USP37: variants seen among roughly 807,000 people sequenced by gnomAD.
USP37 encodes ubiquitin specific peptidase 37.
Under a neutral mutation model 124.0 loss-of-function variants are expected in USP37, and 27 were observed. The observed-to-expected ratio is 0.22, with a 90% CI of 0.16 to 0.30. The LOEUF (loss-of-function observed/expected upper bound fraction) is 0.30. Ranked by LOEUF, USP37 falls within the 10% of genes least tolerant of loss-of-function variation. USP37 has a pLI of 1.00. For synonymous variants in USP37, 365 were observed against 388.0 expected, an observed-to-expected ratio of 0.94 and a Z score of 0.70; for missense variants, 889 against 1,140.4, an observed-to-expected ratio of 0.78 and a Z score of 3.17.
chr2:218,530,796 C>A (rs79125562), intron 9 of USP37, among the ~76,000 whole-genome samples: 2,280 of 152,212 alleles, frequency 0.015, 34 homozygotes, highest in South Asian at 0.064. Context: ...AGCAAAACAA[C>A]CTTATTGCTG....
At position 218,497,091 on chromosome 2, in the gene USP37, G is replaced by A. The variant is rs190799295; in HGVS notation, c.1281+643C>T. On this transcript the variant is annotated intron_variant, in intron 13 of 25. Coordinates refer to ENST00000258399, the MANE Select transcript of USP37 (RefSeq NM_020935.3). ...ATTTGTTTTATTTTTATTTTTTTGAGACAGAGTCTTGCCCTGTAGCCCAGG... is the reference window on the plus strand; with the variant it reads ...ATTTGTTTTATTTTTATTTTTTTGAAACAGAGTCTTGCCCTGTAGCCCAGG... Among the ~76,000 whole-genome samples the A allele has an allele frequency of 4.9e-4, 75 of 151,942 alleles. No individual in the cohort carries two copies. In the East Asian group the frequency reaches 0.013, roughly 25 times the overall value.
chr2:218,485,868 T>G, intron 15 of USP37, 125 bp from the exon 16 acceptor site: 1 of 1,056,450 alleles, frequency 9.5e-7, no homozygotes, highest in Non-Finnish European at 1.4e-6. Context: ...TTTTAAAAAT[T>G]CTGTGTCTAG....
At chr2:218,549,620 A>G (rs1265562847) in intron 6 of USP37, among the ~76,000 whole-genome samples, 189 bp downstream of exon 6, 1 of 151,980 alleles carries the variant, frequency 6.6e-6, no homozygotes, top group African/African-American at 2.4e-5. Flanking sequence ...ATGTGCCACC[A>G]CGCCTGGCTA....
intron 23 of USP37, among the ~76,000 whole-genome samples, chr2:218,458,144 G>A (rs932956051): frequency 2.1e-5 from 3 of 144,114 alleles, no homozygotes; most frequent in Non-Finnish European, 4.5e-5. Flanking sequence ...CTTCGATTTA[G>A]TAATTTACTT....
intron 8 of USP37, among the ~76,000 whole-genome samples, chr2:218,537,036 T>A (rs1484881832): frequency 6.6e-6 from 1 of 152,224 alleles, no homozygotes; most frequent in Non-Finnish European, 1.5e-5. Context: ...TGAAACTAGA[T>A]AATGATGACG....
At chr2:218,518,351 G>A (rs765862612) in intron 10 of USP37, among the ~76,000 whole-genome samples, 3 of 151,840 alleles carry the variant, frequency 2.0e-5, no homozygotes, top group Non-Finnish European at 4.4e-5. Flanking sequence ...TATAATCACT[G>A]ACTCATTAAT....
intron 14 of USP37, among the ~76,000 whole-genome samples, chr2:218,495,522 G>A (rs1259449388): frequency 6.6e-6 from 1 of 152,132 alleles, no homozygotes; most frequent in Non-Finnish European, 1.5e-5. Flanking sequence ...GACGTAGAAA[G>A]GAAGATGAGA....
At chr2:218,525,380 G>A (rs777625119) in intron 10 of USP37, among the ~76,000 whole-genome samples, 1 of 152,166 alleles carries the variant, frequency 6.6e-6, no homozygotes, top group South Asian at 2.1e-4. Flanking sequence ...CTACTGGGGG[G>A]GTTGTGGGTG....
Position 218,534,699 on chromosome 2 carries a change from T to C in USP37, c.688A>G (p.Lys230Glu). The C allele has an allele frequency of 6.3e-7, 1 of 1,597,820 alleles. No individual in the cohort carries two copies. Among genetic ancestry groups the C allele is most frequent in the East Asian group, 2.3e-5 (1 of 44,294 alleles). ...PKENDSSSNN[K>E]AMTDPSRKYL... ...TTTCTGGAGGGATCTGTCATGGCCTTGTTGTTCCTATAGTTAATAATTTTA... is the reference window on the plus strand; with the variant it reads ...TTTCTGGAGGGATCTGTCATGGCCTCGTTGTTCCTATAGTTAATAATTTTA... Residue 230 changes from lysine (K) to glutamate (E), a missense_variant, in exon 9 of 26, where the codon AAG becomes GAG. Physicochemically the swap from Lys to Glu is moderately conservative, Grantham distance 56. This residue lies in a region of USP37 where 374 missense variants were observed against 386.0 expected (regional missense o/e 0.97). Transcript: ENST00000258399.
At chr2:218,518,251 T>C (rs1690407098) in intron 10 of USP37, among the ~76,000 whole-genome samples, 1 of 152,244 alleles carries the variant, frequency 6.6e-6, no homozygotes, top group East Asian at 1.9e-4. Flanking sequence ...ATTTTCTATT[T>C]GATTTTTTTA....
intron 8 of USP37, among the ~76,000 whole-genome samples, chr2:218,539,634 G>A (rs1691863597): frequency 6.6e-6 from 1 of 152,030 alleles, no homozygotes; most frequent in African/African-American, 2.4e-5. Context: ...AGGATCGCCT[G>A]AGCCCGGGAG....
chr2:218,503,347 G>A (rs537516085), intron 11 of USP37, among the ~76,000 whole-genome samples: 3 of 152,228 alleles, frequency 2.0e-5, no homozygotes, highest in African/African-American at 7.2e-5. Context: ...ACTTTAAATA[G>A]GTAACTACAC....
chr2:218,455,719 C>T lies in USP37; in HGVS notation c.2714-1G>A. On this transcript the variant is annotated splice_acceptor_variant, in intron 24 of 25. Transcript: ENST00000258399. LOFTEE classifies it high-confidence loss of function. ...TCATATACATCACTAATGTAATGAC[C>T]TGAAACAAATAACATCTTAAAATCA... The T allele has an allele frequency of 6.2e-7, 1 of 1,611,422 alleles. No individual in the cohort carries two copies. The highest frequency in any genetic ancestry group is 8.5e-7 in the Non-Finnish European group (1 of 1,178,962).
intron 10 of USP37, among the ~76,000 whole-genome samples, chr2:218,527,929 G>A (rs543010661): frequency 2.6e-5 from 4 of 152,236 alleles, no homozygotes; most frequent in Admixed American, 2.0e-4. Flanking sequence ...TGGGCTGGGC[G>A]CGGTCACTCA....
intron 17 of USP37, among the ~76,000 whole-genome samples, chr2:218,480,510 A>G (rs1057367289): frequency 6.6e-6 from 1 of 152,200 alleles, no homozygotes; most frequent in African/African-American, 2.4e-5. Flanking sequence ...AGCACTGGAA[A>G]TGAAGTCAAG....
At chr2:218,461,108 TTAAA>T (rs1282740011) in intron 22 of USP37, among the ~76,000 whole-genome samples, 2 of 152,226 alleles carry the variant, frequency 1.3e-5, no homozygotes, top group East Asian at 1.9e-4. Flanking sequence ...ACTAATGGTG[TTAAA>T]TAAAGAATCC....
In USP37 at chr2:218,451,456, A is replaced by G. The variant is rs1181069282; in HGVS notation, c.*3474T>C. The G allele has an allele frequency of 1.3e-5, 2 of 152,168 alleles. No individual in the cohort carries two copies. Among genetic ancestry groups the G allele is most frequent in the Non-Finnish European group, 2.9e-5 (2 of 68,038 alleles). 9.4% of individuals were successfully genotyped at this position (152,168 alleles called of 1,614,324 possible). On this transcript the variant is annotated 3_prime_UTR_variant, in exon 26 of 26. Coordinates refer to ENST00000258399, the MANE Select transcript of USP37 (RefSeq NM_020935.3). Reference sequence around the variant, plus strand: ...GTATCTACTGCAGTCATTTCAGAGGACAGAGAAGGAAAATATTTTAATTTG... The same window carrying G: ...GTATCTACTGCAGTCATTTCAGAGGGCAGAGAAGGAAAATATTTTAATTTG...
intron 20 of USP37, among the ~76,000 whole-genome samples, chr2:218,472,183 A>G (rs1396636404): frequency 3.3e-5 from 5 of 152,154 alleles, no homozygotes; most frequent in African/African-American, 9.7e-5. Flanking sequence ...CAAAAGCACA[A>G]AAGGGGAAGT....
rs1250430107 is a variant in USP37 at position 218,561,572 on chromosome 2, C to T, written c.-88-689G>A. On this transcript the variant is annotated intron_variant, in intron 2 of 25. Transcript: ENST00000258399. ...ACTTGGGAGGCTGAGGCAAGAGAATCGCTGGAATCCGGGAGGCAGAGGCTG... is the reference window on the plus strand; with the variant it reads ...ACTTGGGAGGCTGAGGCAAGAGAATTGCTGGAATCCGGGAGGCAGAGGCTG... Among the ~76,000 whole-genome samples the T allele has an allele frequency of 2.6e-5, 4 of 151,216 alleles. No homozygotes were observed. The South Asian group carries it at 6.3e-4, about 24-fold the overall frequency.
Sources: gnomAD v4.1 joint callset for allele counts (sites outside exome capture counted in the v4.1 genomes callset) on GRCh38, gnomAD v4.1.1 for gene constraint, gnomAD v4.1.1 regional missense constraint, MANE v1.5 for transcripts, NCBI Gene and HGNC (gene_info 2026-07-23, HGNC 2026-07-21) for gene names.